Variants in WDR33 observed in about 807,000 individuals in gnomAD.
WDR33 encodes the protein WD repeat domain 33.
In WDR33, 47 loss-of-function variants were observed where a neutral mutation model predicts 164.9. The ratio of observed to expected loss-of-function variants is 0.29; its 90% CI spans 0.23 to 0.36. The LOEUF (loss-of-function observed/expected upper bound fraction) is 0.36. Ranked by LOEUF, WDR33 falls within the 10% of genes least tolerant of loss-of-function variation. The pLI is 1.00. For missense variants in WDR33, 1,137 were observed against 1,754.1 expected, an observed-to-expected ratio of 0.65 and a Z score of 6.28; for synonymous variants, 505 against 589.0, an observed-to-expected ratio of 0.86 and a Z score of 2.06.
rs770070256 is a variant in WDR33 at position 127,708,688 on chromosome 2, C to G, written c.3770G>C (p.Arg1257Pro). 6.2e-7 allele frequency: 1 copy of G among 1,604,410 alleles called. No individual in the cohort carries two copies. Among genetic ancestry groups the G allele is most frequent in the Non-Finnish European group, 8.5e-7 (1 of 1,174,284 alleles). Residue 1257 changes from arginine to proline, a missense_variant, in exon 21 of 22, where the codon CGA becomes CCA. Arg to Pro is a moderately radical substitution (Grantham distance 103). This residue lies in a region of WDR33 where 867 missense variants were observed against 1,073.0 expected (regional missense o/e 0.81). Transcript: ENST00000322313. The surrounding 1 kb of genome is among the most constrained non-coding windows in gnomAD (Gnocchi z 6.7). ...MEAPGGPSED[R>P]GGKGRGGPGP... ...TGGCCTGCTCTTACCTTTGCCTCCT[C>G]GGTCTTCAGAAGGGCCTCCTGGGGC... is the stretch of plus-strand genomic sequence containing the variant.
chr2:127,702,058 TG>T lies in WDR33; in HGVS notation c.*4264del. ...ACGGTGCTGGGCGCGGGCGCGCAGG[TG>T]GCCGCGCTGCTGGCCGCGCTGGTTG... On this transcript the variant is annotated 3_prime_UTR_variant, in exon 22 of 22. Transcript: ENST00000322313. 8.3e-7 allele frequency: 1 copy of T among 1,210,028 alleles called. No individual in the cohort carries two copies. Among genetic ancestry groups the T allele is most frequent in the South Asian group, 3.5e-5 (1 of 28,722 alleles). The allele number at this position is 1,210,028 out of a possible 1,614,324, so 75.0% of individuals were successfully genotyped here. A position where few individuals can be genotyped will look rare whatever the true frequency, so the allele number is the denominator to read the frequency against.
chr2:127,765,619 G>A (rs1320211922), intron 4 of WDR33, among the ~76,000 whole-genome samples: 2 of 151,896 alleles, frequency 1.3e-5, no homozygotes, highest in African/African-American at 4.8e-5. Context: ...ACATAAATAA[G>A]GTGATCAGTC....
Position 127,764,701 on chromosome 2 carries a change from G to A in WDR33, c.626+127C>T, listed in dbSNP as rs1287615660. ...GTGTGAAAACAAAGAAAAATATTGT[G>A]TTTATAGGGTGCAGAAAGTTTCCCA... On this transcript the variant is annotated intron_variant, in intron 6 of 21. Transcript: ENST00000322313. The surrounding 1 kb of genome is among the most constrained non-coding windows in gnomAD (Gnocchi z 6.2). 6.2e-7 allele frequency: 1 copy of A among 1,610,968 alleles called. No homozygotes were observed. Among genetic ancestry groups the A allele is most frequent in the African/African-American group, 1.3e-5 (1 of 74,748 alleles).
chr2:127,782,583 G>C (rs969802058), intron 1 of WDR33, among the ~76,000 whole-genome samples: 8 of 152,112 alleles, frequency 5.3e-5, no homozygotes, highest in African/African-American at 1.9e-4. Context: ...TGCATCCATG[G>C]ATTCAACCGA....
At position 127,722,839 on chromosome 2, in the gene WDR33, A is replaced by C. The variant is rs1281974396; in HGVS notation, c.1379-109T>G. 13 of 1,410,680 alleles carry C rather than the reference A, an allele frequency of 9.2e-6. No homozygotes were observed. Among genetic ancestry groups the C allele is most frequent in the Non-Finnish European group, 4.8e-6 (5 of 1,044,228 alleles). 87.4% of individuals were successfully genotyped at this position (1,410,680 alleles called of 1,614,324 possible). A position where few individuals can be genotyped will look rare whatever the true frequency, so the allele number is the denominator to read the frequency against. ...ATTTTAAGTATTATGTCATTTATAT[A>C]ATTTTTATCAACATTTCTCAACATA... On this transcript the variant is annotated intron_variant, in intron 13 of 21. Coordinates refer to ENST00000322313, the MANE Select transcript of WDR33 (RefSeq NM_018383.5). The surrounding 1 kb of genome is among the most constrained non-coding windows in gnomAD (Gnocchi z 5.1).
chr2:127,782,087 T>C (rs947965360), intron 1 of WDR33, among the ~76,000 whole-genome samples: 1 of 151,364 alleles, frequency 6.6e-6, no homozygotes, highest in South Asian at 2.1e-4. Context: ...TGCTACAAAT[T>C]TGTGGATCAC....
chr2:127,742,962 G>T (rs1224098557), intron 7 of WDR33, among the ~76,000 whole-genome samples: 1 of 151,768 alleles, frequency 6.6e-6, no homozygotes, highest in Non-Finnish European at 1.5e-5. Flanking sequence ...TGAGACTCAG[G>T]ATTATATTTG....
rs970608625 is a variant in WDR33 at position 127,701,449 on chromosome 2, G to A, written c.*4874C>T. ...CCCCTTTCGCCGTCGCCGACCAATT[G>A]CCGCCCGAAGACCGAACCGCTTCAG... is the stretch of plus-strand genomic sequence containing the variant. On this transcript the variant is annotated 3_prime_UTR_variant, in exon 22 of 22. Transcript: ENST00000322313. The A allele has an allele frequency of 1.1e-5, 14 of 1,218,686 alleles. No homozygotes were observed. Among genetic ancestry groups the A allele is most frequent in the African/African-American group, 1.6e-5 (1 of 63,580 alleles). 75.5% of individuals were successfully genotyped at this position (1,218,686 alleles called of 1,614,324 possible).
At chr2:127,790,479 C>T (rs1688804204) in intron 1 of WDR33, among the ~76,000 whole-genome samples, 6 of 152,094 alleles carry the variant, frequency 3.9e-5, no homozygotes, top group Admixed American at 3.3e-4. Flanking sequence ...TCTAATATTT[C>T]CTGGATGAGA....
chr2:127,761,619 A>C (rs1431633758), intron 7 of WDR33, among the ~76,000 whole-genome samples: 1 of 152,232 alleles, frequency 6.6e-6, no homozygotes, highest in Admixed American at 6.5e-5. Context: ...TAGTGAGGAA[A>C]GATTCAACAT....
chr2:127,756,378 G>GAA (rs566378902), intron 7 of WDR33, among the ~76,000 whole-genome samples: 2 of 136,156 alleles, frequency 1.5e-5, no homozygotes, highest in African/African-American at 5.3e-5. Flanking sequence ...AAATTACTAT[G>GAA]AAAAAAAAAA....
chr2:127,721,866 T>C lies in WDR33; in HGVS notation c.1641A>G (p.Thr547=), dbSNP rs1213826750. The C allele has an allele frequency of 8.1e-6, 13 of 1,613,944 alleles. No individual in the cohort carries two copies. The highest frequency in any genetic ancestry group is 1.1e-5 in the Non-Finnish European group (13 of 1,179,990). Residue 547 remains threonine, a synonymous_variant, in exon 15 of 22, where the codon ACA becomes ACG. Transcript: ENST00000322313. The surrounding 1 kb of genome is among the most constrained non-coding windows in gnomAD (Gnocchi z 4.9). ...GAAGTTGTGGGTTAGTATATTGTAA[T>C]GTAGCCATTTCTTGCTCAATTTCTG... ...TQAEIEQEMA[T]LQYTNPQLLE... is the part of the protein sequence containing the mutation.
chr2:127,765,866 T>G (rs145067679), intron 4 of WDR33, among the ~76,000 whole-genome samples: 2,163 of 151,848 alleles, frequency 0.014, 64 homozygotes, highest in African/African-American at 0.05. Context: ...GCTGATCTAC[T>G]CTCAAAAAAA....
chr2:127,772,959 C>CA (rs72149745), intron 1 of WDR33, among the ~76,000 whole-genome samples: 3,539 of 117,136 alleles, frequency 0.03, 80 homozygotes, highest in African/African-American at 0.065. Flanking sequence ...TCCATCTCTA[C>CA]AAAAAAAAAA....
In WDR33 at chr2:127,708,708, T is replaced by C; in HGVS notation, c.3750A>G (p.Pro1250=). ...CTCCTCGGTCTTCAGAAGGGCCTCCTGGGGCCTCCATCTCTCTGTGCTCAG... is the reference window on the plus strand; with the variant it reads ...CTCCTCGGTCTTCAGAAGGGCCTCCCGGGGCCTCCATCTCTCTGTGCTCAG... ...GTSEHREMEA[P]GGPSEDRGGK... Residue 1250 remains proline, a synonymous_variant, in exon 21 of 22, where the codon CCA becomes CCG. Coordinates refer to ENST00000322313, the MANE Select transcript of WDR33 (RefSeq NM_018383.5). This position sits in a 1 kb window ranked among gnomAD's most constrained non-coding sequence, Gnocchi z 6.7. 1 of 1,611,584 alleles carries C rather than the reference T, an allele frequency of 6.2e-7. No homozygotes were observed. The highest frequency in any genetic ancestry group is 8.5e-7 in the Non-Finnish European group (1 of 1,178,330).
chr2:127,766,446 G>A (rs1687823838), intron 4 of WDR33, among the ~76,000 whole-genome samples: 1 of 151,950 alleles, frequency 6.6e-6, no homozygotes, highest in South Asian at 2.1e-4. Context: ...CTGTTATCTG[G>A]TATGGATCCT....
In WDR33 at chr2:127,724,773, G is replaced by T; in HGVS notation, c.1085+114C>A. 8.6e-7 allele frequency: 1 copy of T among 1,163,318 alleles called. No homozygotes were observed. The highest frequency in any genetic ancestry group is 1.3e-6 in the Non-Finnish European group (1 of 788,448). The allele number at this position is 1,163,318 out of a possible 1,614,324, so 72.1% of individuals were successfully genotyped here. Reference sequence around the variant, plus strand: ...TTTACAGAACTGAAAACTGCAAGCAGTCTCTGATATAGGATATATGAACAC... The same window carrying T: ...TTTACAGAACTGAAAACTGCAAGCATTCTCTGATATAGGATATATGAACAC... On this transcript the variant is annotated intron_variant, in intron 10 of 21. Transcript: ENST00000322313. This position sits in a 1 kb window ranked among gnomAD's most constrained non-coding sequence, Gnocchi z 4.8.
rs555927332 is a variant in WDR33, at chr2:127,762,942, G to T, written c.724+120C>A. ...TGGGTTTTTTTGAAGAGCCTGAGAC[G>T]GTGTGTATATGTAAAAAAAATTGAA... is the stretch of plus-strand genomic sequence containing the variant. On this transcript the variant is annotated intron_variant, in intron 7 of 21. Transcript: ENST00000322313. 1.0e-5 allele frequency: 15 copies of T among 1,506,166 alleles called. No homozygotes were observed. The East Asian group carries it at 3.7e-4, about 37-fold the overall frequency. The allele number at this position is 1,506,166 out of a possible 1,614,324, so 93.3% of individuals were successfully genotyped here. A position where few individuals can be genotyped will look rare whatever the true frequency, so the allele number is the denominator to read the frequency against.
chr2:127,808,858 G>A (rs771996656), intron 1 of WDR33, among the ~76,000 whole-genome samples: 7 of 151,992 alleles, frequency 4.6e-5, no homozygotes, highest in Non-Finnish European at 8.8e-5. Context: ...GTGAAATCCC[G>A]TCTCTACTAA....
Sources: gnomAD v4.1 joint callset for allele counts (sites outside exome capture counted in the v4.1 genomes callset) on GRCh38, gnomAD v4.1.1 for gene constraint, gnomAD v4.1.1 regional missense constraint, Gnocchi (gnomAD v3.1) non-coding constraint, MANE v1.5 for transcripts, NCBI Gene and HGNC (gene_info 2026-07-23, HGNC 2026-07-21) for gene names.